The following COL5A2 variants were observed in gnomAD, a reference collection of about 807,000 sequenced individuals.
The protein encoded by COL5A2 is collagen alpha-2(V) chain.
A neutral mutation model predicts 208.2 loss-of-function variants in COL5A2; 23 were observed. The observed-to-expected ratio is 0.11, with a 90% CI of 0.08 to 0.16. The LOEUF is 0.16. Among genes scored for constraint, COL5A2 ranks in the 10% least tolerant of loss-of-function variants. The pLI is 1.00. For missense variants in COL5A2, 1,590 were observed against 1,956.4 expected, an observed-to-expected ratio of 0.81 and a Z score of 3.53; for synonymous variants, 625 against 628.5, an observed-to-expected ratio of 0.99 and a Z score of 0.08.
At chr2:189,195,355 G>A (rs927632969) in intron 1 of COL5A2, among the ~76,000 whole-genome samples, 12 of 152,282 alleles carry the variant, frequency 7.9e-5, no homozygotes, top group African/African-American at 2.6e-4. Flanking sequence ...TCATGGATAG[G>A]AAGAATTAAT....
At chr2:189,115,058 TTC>T (rs1191179482) in intron 1 of COL5A2, among the ~76,000 whole-genome samples, 1 of 152,174 alleles carries the variant, frequency 6.6e-6, no homozygotes. Flanking sequence ...ACCTACAAGA[TTC>T]TTTTACCCTC....
chr2:189,106,009 C>T (rs753188474), intron 2 of COL5A2, among the ~76,000 whole-genome samples: 8 of 151,536 alleles, frequency 5.3e-5, no homozygotes, highest in Middle Eastern at 3.4e-3. Context: ...GTATCTACAT[C>T]ACATTTTTTA....
At chr2:189,035,279 CTT>C in intron 52 of COL5A2, 124 bp from the exon 53 acceptor site, 1 of 1,292,332 alleles carries the variant, frequency 7.7e-7, no homozygotes, top group Non-Finnish European at 1.1e-6. Context: ...TACTTTAATT[CTT>C]GTCATAAAGT....
the COL5A2 span, among the ~76,000 whole-genome samples, chr2:189,351,013 GCT>G: frequency 6.6e-6 from 1 of 152,214 alleles, no homozygotes; most frequent in East Asian, 1.9e-4. Flanking sequence ...AAGAGTCCTG[GCT>G]CTCCTGCACT....
At position 189,160,274 on chromosome 2, in the gene COL5A2, A is replaced by G. The variant is rs138738698; in HGVS notation, c.97+19234T>C. Among the ~76,000 whole-genome samples the G allele has an allele frequency of 5.9e-5, 9 of 152,316 alleles. No homozygotes were observed. In the East Asian group the frequency reaches 1.7e-3, roughly 29 times the overall value. ...CTTCATGAATTGTATAATACTACTTATATGTAGTGTGATATTATTATTTGT... is the reference window on the plus strand; with the variant it reads ...CTTCATGAATTGTATAATACTACTTGTATGTAGTGTGATATTATTATTTGT... On this transcript the variant is annotated intron_variant, in intron 1 of 53. Coordinates refer to ENST00000374866, the MANE Select transcript of COL5A2 (RefSeq NM_000393.5).
At chr2:189,190,190 T>G (rs1249201821) in intron 1 of COL5A2, among the ~76,000 whole-genome samples, 1 of 152,188 alleles carries the variant, frequency 6.6e-6, no homozygotes, top group Non-Finnish European at 1.5e-5. Context: ...TATTTTAATG[T>G]TTTCTTAAAG....
At chr2:189,305,528 CA>C in the COL5A2 span, among the ~76,000 whole-genome samples, 1 of 152,134 alleles carries the variant, frequency 6.6e-6, no homozygotes, top group African/African-American at 2.4e-5. Context: ...CACCAGATAC[CA>C]AACCTGACAG....
chr2:189,233,300 A>G, the COL5A2 span, among the ~76,000 whole-genome samples: 11 of 151,938 alleles, frequency 7.2e-5, no homozygotes, highest in African/African-American at 2.6e-4. Flanking sequence ...CTTCCATTAA[A>G]GAATAAAGTT....
chr2:189,390,192 T>C, the COL5A2 span, among the ~76,000 whole-genome samples: 2 of 151,926 alleles, frequency 1.3e-5, no homozygotes, highest in African/African-American at 2.4e-5. Context: ...AGACTCACCA[T>C]CTTAGCAACC....
chr2:189,170,913 G>A lies in COL5A2; in HGVS notation c.97+8595C>T, dbSNP rs184496183. Among the ~76,000 whole-genome samples, 253 of 152,172 alleles carry A rather than the reference G, an allele frequency of 1.7e-3. 1 individual carries two copies. The highest frequency in any genetic ancestry group is 3.2e-3 in the Admixed American group (49 of 15,270). On this transcript the variant is annotated intron_variant, in intron 1 of 53. Transcript: ENST00000374866. Reference sequence around the variant, plus strand: ...CTGGAGAGTGACATTATAAAAGTGGGACTTAGCCTAATCTGGTGGGAATGT... The same window carrying A: ...CTGGAGAGTGACATTATAAAAGTGGAACTTAGCCTAATCTGGTGGGAATGT...
intron 49 of COL5A2, 98 bp downstream of exon 49, chr2:189,042,622 C>A: frequency 8.5e-7 from 1 of 1,181,244 alleles, no homozygotes; most frequent in South Asian, 1.3e-5. Flanking sequence ...TGAGCCAACT[C>A]CAGCTTCAAT....
At chr2:189,166,391 T>C (rs1688465048) in intron 1 of COL5A2, among the ~76,000 whole-genome samples, 1 of 152,106 alleles carries the variant, frequency 6.6e-6, no homozygotes, top group Non-Finnish European at 1.5e-5. Context: ...GAACTACCTA[T>C]TCTGAAATTA....
intron 1 of COL5A2, among the ~76,000 whole-genome samples, chr2:189,169,774 C>T (rs1267002638): frequency 6.6e-6 from 1 of 152,196 alleles, no homozygotes; most frequent in Non-Finnish European, 1.5e-5. Flanking sequence ...CGCAATGGCG[C>T]GATCTCAGCT....
intron 1 of COL5A2, among the ~76,000 whole-genome samples, chr2:189,136,501 T>C (rs1687828849): frequency 1.2e-5 from 1 of 85,710 alleles, no homozygotes; most frequent in Admixed American, 1.6e-4. Flanking sequence ...TCTGTATATT[T>C]TTTCTTTTTT....
chr2:189,280,953 T>C, the COL5A2 span, among the ~76,000 whole-genome samples: 5 of 152,102 alleles, frequency 3.3e-5, no homozygotes, highest in South Asian at 2.1e-4. Flanking sequence ...AAAGTTATTG[T>C]AGTTTTTGCC....
chr2:189,167,616 A>G (rs1336512692), intron 1 of COL5A2, among the ~76,000 whole-genome samples: 1 of 151,830 alleles, frequency 6.6e-6, no homozygotes, highest in Non-Finnish European at 1.5e-5. Context: ...TCTCATCAAC[A>G]ATTATCAAAA....
chr2:189,043,188 C>A lies in COL5A2; in HGVS notation c.3434G>T (p.Arg1145Ile). Residue 1145 changes from arginine to isoleucine, a missense_variant, in exon 48 of 54, where the codon AGA (arginine) becomes ATA (isoleucine). By Grantham distance (97) the Arg-to-Ile change is moderately conservative. Coordinates refer to ENST00000374866, the MANE Select transcript of COL5A2 (RefSeq NM_000393.5). The part of the protein sequence containing the change: ...DRGDRGQKGH[R>I]GFTGLQGLPG... ...AAGACCCTGAAGACCAGTAAAGCCTCTGTGGCCCTTCTGACCTCTGTCACC... is the reference window on the plus strand; with the variant it reads ...AAGACCCTGAAGACCAGTAAAGCCTATGTGGCCCTTCTGACCTCTGTCACC... 1.2e-6 allele frequency: 2 copies of A among 1,613,934 alleles called. No homozygotes were observed. The highest frequency in any genetic ancestry group is 1.7e-6 in the Non-Finnish European group (2 of 1,179,872).
intron 51 of COL5A2, 121 bp downstream of exon 51, chr2:189,039,151 T>C: frequency 8.1e-7 from 1 of 1,237,608 alleles, no homozygotes; most frequent in Non-Finnish European, 1.2e-6. Context: ...CCATGATATG[T>C]TTACTATTTT....
At chr2:189,143,891 C>T (rs961886295) in intron 1 of COL5A2, among the ~76,000 whole-genome samples, 1 of 152,060 alleles carries the variant, frequency 6.6e-6, no homozygotes, top group African/African-American at 2.4e-5. Context: ...GTATATCATA[C>T]GTATTATGTG....
Sources: allele counts gnomAD v4.1 joint callset (sites outside exome capture counted in the v4.1 genomes callset), GRCh38; gene constraint gnomAD v4.1.1; transcripts MANE v1.5; gene names NCBI Gene and HGNC (gene_info 2026-07-23, HGNC 2026-07-21).